Variants in FRMPD4 observed in about 807,000 individuals in gnomAD.
FRMPD4 encodes FERM and PDZ domain-containing protein 4.
Under a neutral mutation model 94.1 loss-of-function variants are expected in FRMPD4, and 22 were observed. The observed-to-expected ratio is 0.23, with a 90% CI of 0.17 to 0.33. The LOEUF (loss-of-function observed/expected upper bound fraction) is 0.33. FRMPD4 is among the 10% of genes least tolerant of loss of function. The pLI is 1.00. For missense variants in FRMPD4, 1,111 were observed against 1,339.9 expected (o/e 0.83, Z 2.67); for synonymous variants, 631 against 548.6 (o/e 1.15, Z -2.10).
chrX:12,688,139 A>G (rs1012533744), intron 7 of FRMPD4, among the ~76,000 whole-genome samples: 14 of 112,059 alleles, frequency 1.2e-4, no homozygotes, highest in Admixed American at 9.4e-5. Flanking sequence ...ATGGCCAGAT[A>G]TAACCCGCAG....
intron 1 of FRMPD4, among the ~76,000 whole-genome samples, chrX:12,484,478 C>G (rs1057070645): frequency 1.8e-5 from 2 of 112,169 alleles, no homozygotes; most frequent in African/African-American, 3.2e-5. Flanking sequence ...CATTATGGAG[C>G]CTCTTGCAAA....
intron 3 of FRMPD4, among the ~76,000 whole-genome samples, chrX:12,053,750 C>T (rs1027405910): frequency 3.6e-5 from 4 of 111,936 alleles, no homozygotes; most frequent in Admixed American, 1.9e-4. Context: ...ATATATTTTC[C>T]TCACCTTTAT....
At chrX:12,176,904 A>C (rs1209474881) in intron 1 of FRMPD4, among the ~76,000 whole-genome samples, 2 of 112,057 alleles carry the variant, frequency 1.8e-5, no homozygotes, top group Non-Finnish European at 3.8e-5. Flanking sequence ...CCTCGGGGAG[A>C]AAAATGGCTT....
intron 1 of FRMPD4, among the ~76,000 whole-genome samples, chrX:12,383,575 G>A (rs2056356240): frequency 9.0e-6 from 1 of 111,236 alleles, no homozygotes; most frequent in African/African-American, 3.3e-5. Context: ...TGAATTCTGT[G>A]CTTCTGGGTG....
intron 1 of FRMPD4, among the ~76,000 whole-genome samples, chrX:12,163,658 C>T (rs892162019): frequency 3.6e-5 from 4 of 111,891 alleles, no homozygotes; most frequent in Admixed American, 9.5e-5. Flanking sequence ...TAGCACTATC[C>T]AATGAATGAC....
chrX:12,077,475 A>T (rs1431443862), intron 3 of FRMPD4, among the ~76,000 whole-genome samples: 2 of 111,571 alleles, frequency 1.8e-5, no homozygotes, highest in African/African-American at 6.5e-5. Flanking sequence ...CACCTTCTTG[A>T]CATTTCCTTC....
chrX:12,122,529 T>C (rs1485716095), intron 3 of FRMPD4, among the ~76,000 whole-genome samples: 2 of 111,442 alleles, frequency 1.8e-5, no homozygotes, highest in African/African-American at 3.3e-5. Flanking sequence ...CACATCCAAC[T>C]GTGAGGGATG....
chrX:12,244,506 G>A (rs1181840549), intron 1 of FRMPD4, among the ~76,000 whole-genome samples: 3 of 112,238 alleles, frequency 2.7e-5, no homozygotes, highest in Non-Finnish European at 5.6e-5. Flanking sequence ...CCCTAGTTCT[G>A]CTTTATTGGA....
chrX:12,453,436 GA>G (rs746773598), intron 1 of FRMPD4, among the ~76,000 whole-genome samples: 2 of 111,586 alleles, frequency 1.8e-5, no homozygotes, highest in Non-Finnish European at 3.8e-5. Context: ...TATTTAATAG[GA>G]AAAAAATTAT....
intron 1 of FRMPD4, among the ~76,000 whole-genome samples, chrX:12,197,931 T>C (rs2147710728): frequency 8.9e-6 from 1 of 112,217 alleles, no homozygotes; most frequent in East Asian, 2.8e-4. Flanking sequence ...TGTTTTGTTC[T>C]TGTAAATGTC....
intron 1 of FRMPD4, among the ~76,000 whole-genome samples, chrX:12,171,792 C>T (rs925318594): frequency 8.9e-6 from 1 of 111,868 alleles, no homozygotes; most frequent in Admixed American, 9.5e-5. Context: ...CAAGGAAAGT[C>T]ATATCAACGG....
chrX:11,961,242 C>T (rs1438578624), intron 3 of FRMPD4, among the ~76,000 whole-genome samples: 2 of 112,202 alleles, frequency 1.8e-5, no homozygotes, highest in Non-Finnish European at 3.8e-5. Context: ...TCTCTCTCCT[C>T]TTCTGGAGCT....
intron 3 of FRMPD4, among the ~76,000 whole-genome samples, chrX:11,880,636 A>G (rs950546134): frequency 2.7e-5 from 3 of 110,994 alleles, no homozygotes; most frequent in Non-Finnish European, 5.7e-5. Flanking sequence ...AATTGAATTC[A>G]CTTATTTTTA....
At chrX:12,326,143 G>T (rs1001756454) in intron 1 of FRMPD4, among the ~76,000 whole-genome samples, 6 of 112,134 alleles carry the variant, frequency 5.4e-5, no homozygotes, top group Non-Finnish European at 9.4e-5. Context: ...TAATATACAG[G>T]TGTGTAAGTA....
intron 1 of FRMPD4, among the ~76,000 whole-genome samples, chrX:12,275,802 G>C (rs911912462): frequency 9.0e-6 from 1 of 111,259 alleles, no homozygotes; most frequent in Non-Finnish European, 1.9e-5. Flanking sequence ...CCGGACCTTT[G>C]AGGAAGCTCA....
chrX:11,901,795 T>G (rs745693337), intron 3 of FRMPD4, among the ~76,000 whole-genome samples: 16 of 111,848 alleles, frequency 1.4e-4, no homozygotes, highest in Admixed American at 9.5e-5. Context: ...TGGCCTTTCT[T>G]GCAGAGTAAA....
At chrX:12,143,903 G>T (rs1035750246) in intron 1 of FRMPD4, among the ~76,000 whole-genome samples, 10 of 112,216 alleles carry the variant, frequency 8.9e-5, no homozygotes, top group Admixed American at 2.8e-4. Flanking sequence ...GAAAAATTAT[G>T]CATGCTTATT....
At position 12,497,265 on chromosome X, in the gene FRMPD4, G is replaced by C. The variant is rs1041705054; in HGVS notation, c.42-1415G>C. Among the ~76,000 whole-genome samples, 3 of 111,031 alleles carry C rather than the reference G, an allele frequency of 2.7e-5. No individual in the cohort carries two copies. In the East Asian group the frequency reaches 8.5e-4, roughly 31 times the overall value. On this transcript the variant is annotated intron_variant, in intron 1 of 16. Transcript: ENST00000675598. ...CATTTCTAACTGTACTATTACTTTT[G>C]GAAACATTTTTAATAGAATAGACTG...
At chrX:11,853,368 C>G (rs891707279) in intron 1 of FRMPD4, among the ~76,000 whole-genome samples, 2 of 111,125 alleles carry the variant, frequency 1.8e-5, no homozygotes, top group Non-Finnish European at 3.8e-5. Flanking sequence ...AATCCCAAAG[C>G]TAGCAGAAAA....
Sources: gnomAD v4.1 joint callset for allele counts (sites outside exome capture counted in the v4.1 genomes callset) on GRCh38, gnomAD v4.1.1 for gene constraint, MANE v1.5 for transcripts, NCBI Gene and HGNC (gene_info 2026-07-23, HGNC 2026-07-21) for gene names.